The following ZNF143 variants were observed in gnomAD, a reference collection of about 807,000 sequenced individuals.
ZNF143 encodes zinc finger protein 143.
Under a neutral mutation model 74.1 loss-of-function variants are expected in ZNF143, and 49 were observed. The observed-to-expected ratio is 0.66, with a 90% CI of 0.53 to 0.84. The LOEUF (loss-of-function observed/expected upper bound fraction) is 0.84, where lower values mean the gene tolerates loss of function less well. Among genes scored for constraint, ZNF143 ranks in the 40% least tolerant of loss-of-function variants. The probability of loss-of-function intolerance (pLI) is 0.00; values close to 1 mark genes in which losing one functional copy is unlikely to be tolerated. For synonymous variants in ZNF143, 304 were observed against 282.8 expected, an observed-to-expected ratio of 1.07 and a Z score of -0.75; for missense variants, 637 against 793.4, an observed-to-expected ratio of 0.80 and a Z score of 2.37.
intron 6 of ZNF143, among the ~76,000 whole-genome samples, chr11:9,479,087 T>C (rs1189343917): frequency 6.7e-5 from 10 of 149,978 alleles, no homozygotes; most frequent in African/African-American, 1.9e-4. Flanking sequence ...ATTTTTTTTT[T>C]CCCCTGCATT....
At chr11:9,508,492 A>G (rs1307326359) in intron 11 of ZNF143, 127 bp from the exon 12 acceptor site, 7 of 776,618 alleles carry the variant, frequency 9.0e-6, no homozygotes, top group Non-Finnish European at 1.4e-5. Context: ...GTGCTGCCTC[A>G]TGGTGGGATG....
intron 1 of ZNF143, 131 bp downstream of exon 1, chr11:9,461,207 C>T: frequency 3.0e-5 from 15 of 492,166 alleles, no homozygotes; most frequent in Non-Finnish European, 3.7e-5. Context: ...GCAGGCCTTG[C>T]CGATTTTATG....
rs752683854 is a variant in ZNF143, at chr11:9,474,031, A to G, written c.289+7A>G. ...GTACCCATACCTAAAAGTAGTAAGTATTTAAGATAACAGCACGGGAAACCA... is the reference window on the plus strand; with the variant it reads ...GTACCCATACCTAAAAGTAGTAAGTGTTTAAGATAACAGCACGGGAAACCA... On this transcript the variant is annotated splice_region_variant and intron_variant, in intron 4 of 15. Transcript: ENST00000396602. 2 of 1,604,078 alleles carry G rather than the reference A, an allele frequency of 1.2e-6. No individual in the cohort carries two copies. Among genetic ancestry groups the G allele is most frequent in the Admixed American group, 1.7e-5 (1 of 59,990 alleles).
chr11:9,464,922 CA>C (rs1173072808), intron 1 of ZNF143, among the ~76,000 whole-genome samples: 14 of 140,112 alleles, frequency 1.0e-4, no homozygotes, highest in Non-Finnish European at 1.6e-4. Context: ...GACTCTGTCT[CA>C]AAAAAAAAAT....
intron 7 of ZNF143, among the ~76,000 whole-genome samples, chr11:9,482,061 C>T (rs1261845669): frequency 1.4e-5 from 2 of 144,654 alleles, no homozygotes; most frequent in African/African-American, 2.6e-5. Context: ...AGCTCTGCCT[C>T]CCGGGTTCAC....
chr11:9,467,899 A>G (rs191395079), intron 1 of ZNF143, among the ~76,000 whole-genome samples: 1 of 151,418 alleles, frequency 6.6e-6, no homozygotes. Context: ...TATAATTTTC[A>G]CAATTATCTA....
At chr11:9,507,895 T>C (rs1589929666) in intron 11 of ZNF143, among the ~76,000 whole-genome samples, 3 of 152,278 alleles carry the variant, frequency 2.0e-5, no homozygotes, top group African/African-American at 7.2e-5. Flanking sequence ...AGAAACAATA[T>C]TGGTCATGAA....
intron 2 of ZNF143, 43 bp from the exon 3 acceptor site, chr11:9,472,634 A>G (rs1856648465): frequency 2.0e-6 from 3 of 1,520,290 alleles, no homozygotes; most frequent in Non-Finnish European, 2.7e-6. Flanking sequence ...CAGCATGTCC[A>G]TATGCTAGCT....
intron 10 of ZNF143, among the ~76,000 whole-genome samples, chr11:9,500,647 C>T (rs957459818): frequency 6.6e-6 from 1 of 152,110 alleles, no homozygotes. Context: ...GTTGGCCAGG[C>T]TGGTCAAAAC....
intron 2 of ZNF143, among the ~76,000 whole-genome samples, chr11:9,471,748 C>T (rs776917252): frequency 1.8e-4 from 28 of 152,080 alleles, no homozygotes; most frequent in Non-Finnish European, 1.0e-4. Context: ...GACGGGGTTT[C>T]ACCACGTTGG....
At chr11:9,479,586 C>T in intron 7 of ZNF143, 40 bp downstream of exon 7, 1 of 1,535,816 alleles carries the variant, frequency 6.5e-7, no homozygotes, top group Non-Finnish European at 8.9e-7. Flanking sequence ...TCTAGCTTAG[C>T]ATTTCTGTGC....
intron 7 of ZNF143, among the ~76,000 whole-genome samples, chr11:9,492,718 A>C (rs942805774): frequency 1.3e-5 from 2 of 152,234 alleles, no homozygotes; most frequent in African/African-American, 4.8e-5. Flanking sequence ...GAATCCTTTT[A>C]TAAATCTTGT....
intron 10 of ZNF143, among the ~76,000 whole-genome samples, 162 bp from the exon 11 acceptor site, chr11:9,500,929 A>C (rs1209080451): frequency 6.6e-6 from 1 of 152,166 alleles, no homozygotes; most frequent in African/African-American, 2.4e-5. Context: ...TTGGAGTGGA[A>C]GATGCTGTTT....
intron 11 of ZNF143, 46 bp from the exon 12 acceptor site, chr11:9,508,573 G>T: frequency 3.8e-6 from 6 of 1,567,982 alleles, no homozygotes; most frequent in Non-Finnish European, 4.3e-6. Context: ...GAATGATTTT[G>T]CCTACATATG....
At chr11:9,518,787 A>G (rs1158584437) in intron 14 of ZNF143, among the ~76,000 whole-genome samples, 2 of 151,966 alleles carry the variant, frequency 1.3e-5, no homozygotes, top group African/African-American at 2.4e-5. Flanking sequence ...GGTTTAAGCT[A>G]TTTTAAGCTG....
chr11:9,485,652 C>G (rs539130071), intron 7 of ZNF143, among the ~76,000 whole-genome samples: 1 of 151,596 alleles, frequency 6.6e-6, no homozygotes, highest in South Asian at 2.1e-4. Context: ...GTTTTTGTTT[C>G]TTAATCTTCC....
At chr11:9,470,378 C>T (rs1856498658) in intron 1 of ZNF143, among the ~76,000 whole-genome samples, 1 of 152,070 alleles carries the variant, frequency 6.6e-6, no homozygotes, top group African/African-American at 2.4e-5. Context: ...ATAATAAGTA[C>T]TGTGCAGAAA....
chr11:9,511,365 C>T (rs549478915), intron 12 of ZNF143, among the ~76,000 whole-genome samples: 2 of 151,786 alleles, frequency 1.3e-5, no homozygotes, highest in South Asian at 2.1e-4. Context: ...GGTGCAATCT[C>T]GGCTCACTGC....
At chr11:9,467,720 G>A (rs966232200) in intron 1 of ZNF143, among the ~76,000 whole-genome samples, 4 of 151,812 alleles carry the variant, frequency 2.6e-5, no homozygotes, top group Non-Finnish European at 5.9e-5. Flanking sequence ...GGTGGTGTGC[G>A]CCTGTAATCC....
Sources: gnomAD v4.1 joint callset for allele counts (sites outside exome capture counted in the v4.1 genomes callset) on GRCh38, gnomAD v4.1.1 for gene constraint, MANE v1.5 for transcripts, NCBI Gene and HGNC (gene_info 2026-07-23, HGNC 2026-07-21) for gene names.